LRRC7: variants seen among roughly 807,000 people sequenced by gnomAD.
The protein encoded by LRRC7 is leucine-rich repeat-containing protein 7.
Under a neutral mutation model 175.7 loss-of-function variants are expected in LRRC7, and 23 were observed. The ratio of observed to expected loss-of-function variants is 0.13; its 90% confidence interval spans 0.09 to 0.19. The LOEUF (loss-of-function observed/expected upper bound fraction) is 0.19. Ranked by LOEUF, LRRC7 falls within the 10% of genes least tolerant of loss-of-function variation. LRRC7 has a pLI of 1.00. For synonymous variants in LRRC7, 685 were observed against 680.9 expected (o/e 1.01, Z -0.09); for missense variants, 1,354 against 1,904.7 (o/e 0.71, Z 5.38).
chr1:70,071,879 T>C (rs1465992681), intron 23 of LRRC7, among the ~76,000 whole-genome samples: 2 of 152,178 alleles, frequency 1.3e-5, no homozygotes, highest in Non-Finnish European at 2.9e-5. Context: ...GTAAACCAAA[T>C]CATTTTTACA....
intron 21 of LRRC7, among the ~76,000 whole-genome samples, chr1:70,042,478 A>C (rs958196751): frequency 6.6e-6 from 1 of 152,246 alleles, no homozygotes; most frequent in Non-Finnish European, 1.5e-5. Context: ...GGATAAGCAT[A>C]ACAGTTCAAC....
At chr1:70,004,201 T>C (rs945075575) in intron 11 of LRRC7, among the ~76,000 whole-genome samples, 1 of 152,214 alleles carries the variant, frequency 6.6e-6, no homozygotes, top group Admixed American at 6.5e-5. Context: ...TTTCACTGAA[T>C]TCAGCATAGG....
chr1:69,631,064 A>G, intron 1 of LRRC7, among the ~76,000 whole-genome samples: 1 of 152,176 alleles, frequency 6.6e-6, no homozygotes. Flanking sequence ...ACATATTTTC[A>G]GAGTACCTGT....
intron 7 of LRRC7, among the ~76,000 whole-genome samples, chr1:69,876,940 G>A (rs1686095475): frequency 1.3e-5 from 2 of 152,110 alleles, no homozygotes; most frequent in Admixed American, 1.3e-4. Flanking sequence ...GTACAGAGAA[G>A]TTATATTTCT....
chr1:70,084,963 A>G (rs1005564991), intron 24 of LRRC7, among the ~76,000 whole-genome samples: 13 of 152,114 alleles, frequency 8.5e-5, no homozygotes, highest in Non-Finnish European at 1.6e-4. Context: ...AAACATCTTT[A>G]AAAATATTTT....
chr1:69,620,335 A>C (rs1650369732), intron 1 of LRRC7, among the ~76,000 whole-genome samples: 1 of 152,184 alleles, frequency 6.6e-6, no homozygotes, highest in Non-Finnish European at 1.5e-5. Context: ...TTTTTAAAAC[A>C]AAGCTCCTTG....
chr1:69,871,316 C>A (rs938439781), intron 7 of LRRC7, among the ~76,000 whole-genome samples: 1 of 151,966 alleles, frequency 6.6e-6, no homozygotes, highest in African/African-American at 2.4e-5. Context: ...TTCTGTTAGA[C>A]AATTTTATTT....
chr1:70,048,391 C>A (rs745783682), intron 22 of LRRC7, among the ~76,000 whole-genome samples: 1 of 152,012 alleles, frequency 6.6e-6, no homozygotes, highest in African/African-American at 2.4e-5. Context: ...AAAGAACTCA[C>A]CTGTATTGTC....
intron 2 of LRRC7, among the ~76,000 whole-genome samples, chr1:69,741,369 G>A (rs753641085): frequency 5.9e-5 from 9 of 151,672 alleles, no homozygotes; most frequent in South Asian, 2.1e-4. Flanking sequence ...TTGTTTGTTC[G>A]CTAAATCTGG....
rs1571321634 is a variant in LRRC7 at position 70,099,123 on chromosome 1, A to C, written c.4546-8629A>C. Among the ~76,000 whole-genome samples the C allele has an allele frequency of 3.5e-5, 5 of 144,628 alleles. No homozygotes were observed. The East Asian group carries it at 1.0e-3, about 29-fold the overall frequency. 94.9% of individuals were successfully genotyped at this position (144,628 alleles called of 152,430 possible). ...CAGCACATCAAAAAGCTTATCCACCATGATCAAGTGGGCTTCATCCCTGGG... is the reference window on the plus strand; with the variant it reads ...CAGCACATCAAAAAGCTTATCCACCCTGATCAAGTGGGCTTCATCCCTGGG... On this transcript the variant is annotated intron_variant, in intron 25 of 26. Transcript: ENST00000651989.
chr1:69,853,270 CTTTTTTTTTTTTTT>C (rs1163071175), intron 7 of LRRC7, among the ~76,000 whole-genome samples: 2 of 88,012 alleles, frequency 2.3e-5, no homozygotes, highest in Admixed American at 2.3e-4. Flanking sequence ...TCCTTTCTTT[CTTTTTTTTTTTTTT>C]TTTTTTTTTT....
intron 7 of LRRC7, among the ~76,000 whole-genome samples, chr1:69,842,738 C>A (rs142113787): frequency 2.0e-5 from 3 of 152,174 alleles, no homozygotes; most frequent in East Asian, 3.9e-4. Context: ...GGGTCAGTGA[C>A]CCTTCTGAGA....
chr1:69,866,988 CTT>C (rs1201771007), intron 7 of LRRC7, among the ~76,000 whole-genome samples: 1 of 152,138 alleles, frequency 6.6e-6, no homozygotes, highest in East Asian at 1.9e-4. Flanking sequence ...TTTTCAGACT[CTT>C]TGAGACACTG....
chr1:69,805,607 C>T (rs1677024913), intron 4 of LRRC7, among the ~76,000 whole-genome samples: 1 of 151,814 alleles, frequency 6.6e-6, no homozygotes, highest in Admixed American at 6.6e-5. Context: ...TTTAAGACTA[C>T]CTTCCCTTTG....
chr1:70,040,303 CAAGA>C (rs765555879), intron 21 of LRRC7, among the ~76,000 whole-genome samples: 76 of 152,174 alleles, frequency 5.0e-4, no homozygotes, highest in Non-Finnish European at 6.9e-4. Context: ...ATTTTCCCAA[CAAGA>C]AACAGAAAAA....
intron 7 of LRRC7, among the ~76,000 whole-genome samples, chr1:69,865,466 T>C (rs1222521181): frequency 9.1e-6 from 1 of 110,112 alleles, no homozygotes; most frequent in Non-Finnish European, 1.8e-5. Flanking sequence ...CTGAAGACAG[T>C]TCCTTTTTTT....
intron 22 of LRRC7, among the ~76,000 whole-genome samples, chr1:70,046,791 C>T (rs1007239858): frequency 6.6e-6 from 1 of 152,050 alleles, no homozygotes; most frequent in African/African-American, 2.4e-5. Flanking sequence ...TACCCTGATA[C>T]GTCTCTTGTA....
chr1:69,749,382 G>A (rs1472677044), intron 2 of LRRC7, among the ~76,000 whole-genome samples: 1 of 152,090 alleles, frequency 6.6e-6, no homozygotes, highest in East Asian at 1.9e-4. Flanking sequence ...GACCAGGAAA[G>A]CAGCATTATT....
intron 2 of LRRC7, among the ~76,000 whole-genome samples, chr1:69,741,472 A>G (rs1161827952): frequency 1.3e-5 from 2 of 152,032 alleles, no homozygotes; most frequent in African/African-American, 2.4e-5. Context: ...GAAAAGAATC[A>G]TGGACAAAAG....
Sources: allele counts gnomAD v4.1 joint callset (sites outside exome capture counted in the v4.1 genomes callset), GRCh38; gene constraint gnomAD v4.1.1; transcripts MANE v1.5; gene names NCBI Gene and HGNC (gene_info 2026-07-23, HGNC 2026-07-21).